The following ACYP2 variants were observed in gnomAD, a reference collection of about 807,000 sequenced individuals.
ACYP2 encodes acylphosphatase 2, also known as acylphosphatase-2.
A neutral mutation model predicts 11.2 loss-of-function variants in ACYP2; 12 were observed. That is an observed-to-expected ratio of 1.08 (90% CI 0.69 to 1.74). The LOEUF is 1.74. ACYP2 is among the 40% of genes most tolerant of loss of function. The pLI, the probability that ACYP2 is intolerant of heterozygous loss-of-function variation, is 0.00. For synonymous variants in ACYP2, 43 were observed against 32.2 expected (o/e 1.33, Z -1.13); for missense variants, 134 against 101.9 (o/e 1.31, Z -1.35).
intron 6 of ACYP2, among the ~76,000 whole-genome samples, chr2:54,282,392 C>T (rs1688886988): frequency 6.6e-6 from 1 of 152,142 alleles, no homozygotes; most frequent in Admixed American, 6.5e-5. Flanking sequence ...GTGTCCTCAC[C>T]CTGCTCCACA....
At chr2:54,160,058 A>G (rs1166322923) in intron 6 of ACYP2, among the ~76,000 whole-genome samples, 1 of 152,168 alleles carries the variant, frequency 6.6e-6, no homozygotes, top group East Asian at 1.9e-4. Context: ...CCCTCAAGAG[A>G]ATGCTTTCAG....
chr2:53,993,984 G>C (rs1270856437), intron 2 of ACYP2, among the ~76,000 whole-genome samples: 1 of 152,128 alleles, frequency 6.6e-6, no homozygotes, highest in Non-Finnish European at 1.5e-5. Flanking sequence ...AAGAAGTTGA[G>C]ACCATCCTGG....
At chr2:54,017,916 T>C (rs1374250771) in intron 2 of ACYP2, among the ~76,000 whole-genome samples, 1 of 152,056 alleles carries the variant, frequency 6.6e-6, no homozygotes, top group African/African-American at 2.4e-5. Flanking sequence ...TCTTGGATGG[T>C]CTTGAACTCC....
chr2:54,163,842 G>T (rs1682836493), intron 6 of ACYP2, among the ~76,000 whole-genome samples: 1 of 151,820 alleles, frequency 6.6e-6, no homozygotes, highest in South Asian at 2.1e-4. Context: ...GCCACCAAGA[G>T]CAAAACTCTG....
chr2:54,077,122 TTTG>T (rs538232987), intron 4 of ACYP2, among the ~76,000 whole-genome samples: 6 of 152,246 alleles, frequency 3.9e-5, no homozygotes, highest in African/African-American at 9.6e-5. Context: ...TATCTTGGTT[TTTG>T]TTGTTGTTGT....
intron 6 of ACYP2, among the ~76,000 whole-genome samples, chr2:54,168,164 CCTGTA>C (rs1269295650): frequency 6.6e-6 from 1 of 152,176 alleles, no homozygotes; most frequent in African/African-American, 2.4e-5. Flanking sequence ...GTGGCTCACA[CCTGTA>C]ATCCCAGCAC....
At chr2:54,253,833 A>C (rs1159499276) in intron 6 of ACYP2, 1 of 152,278 alleles carries the variant, frequency 6.6e-6, no homozygotes, top group Non-Finnish European at 1.5e-5. Flanking sequence ...GAGAATGGGC[A>C]ATAAGAGGTC....
chr2:54,059,260 C>T (rs1676341877), intron 4 of ACYP2, among the ~76,000 whole-genome samples: 2 of 150,700 alleles, frequency 1.3e-5, no homozygotes, highest in African/African-American at 2.4e-5. Flanking sequence ...CTCTTGTTGC[C>T]CGGGCTGGAG....
At chr2:54,031,136 A>G (rs1393052926) in intron 2 of ACYP2, among the ~76,000 whole-genome samples, 35 of 152,056 alleles carry the variant, frequency 2.3e-4, no homozygotes, top group Admixed American at 2.2e-3. Context: ...TTCTTTTTTT[A>G]TTATTATACT....
chr2:54,103,881 T>TC (rs1403055416), intron 4 of ACYP2, among the ~76,000 whole-genome samples: 1 of 152,056 alleles, frequency 6.6e-6, no homozygotes, highest in Non-Finnish European at 1.5e-5. Context: ...CCCCTCCCCT[T>TC]CCCCACCCTT....
At chr2:53,995,588 C>T (rs1320998192) in intron 2 of ACYP2, among the ~76,000 whole-genome samples, 6 of 151,136 alleles carry the variant, frequency 4.0e-5, no homozygotes, top group African/African-American at 1.2e-4. Flanking sequence ...ACTGCAACCT[C>T]CGCCTCCTGG....
chr2:54,038,973 T>G (rs1489765893), intron 2 of ACYP2, among the ~76,000 whole-genome samples: 1 of 147,748 alleles, frequency 6.8e-6, no homozygotes, highest in African/African-American at 2.5e-5. Context: ...AGGGAAGGAG[T>G]TGAGTGAGTG....
chr2:54,055,422 T>C lies in ACYP2; in HGVS notation c.156-1817T>C, dbSNP rs191085516. Among the ~76,000 whole-genome samples, 36 of 152,374 alleles carry C rather than the reference T, an allele frequency of 2.4e-4. No homozygotes were observed. The East Asian group carries it at 4.0e-3, about 17-fold the overall frequency. On this transcript the variant is annotated intron_variant, in intron 3 of 6. Transcript: ENST00000607452. ...ATAGTAATTCCATTACTCACAGTAA[T>C]AATTGTGATAATAATGTAAACAATT...
chr2:54,030,496 T>C (rs895879578), intron 2 of ACYP2: 2 of 155,588 alleles, frequency 1.3e-5, no homozygotes, highest in Admixed American at 6.5e-5. Context: ...GAAACCTGTC[T>C]GTCTAACTGG....
intron 4 of ACYP2, among the ~76,000 whole-genome samples, chr2:54,121,916 T>C (rs762821484): frequency 2.0e-4 from 31 of 152,216 alleles, no homozygotes; most frequent in Non-Finnish European, 3.5e-4. Flanking sequence ...TGAATTAAAT[T>C]GAAGTATTTG....
At chr2:54,075,271 G>A (rs1677266873) in intron 4 of ACYP2, among the ~76,000 whole-genome samples, 2 of 152,114 alleles carry the variant, frequency 1.3e-5, no homozygotes. Flanking sequence ...GGCCTAGGAG[G>A]GTAAATCGCT....
intron 6 of ACYP2, among the ~76,000 whole-genome samples, chr2:54,270,426 TA>T (rs1688236381): frequency 6.6e-6 from 1 of 152,186 alleles, no homozygotes; most frequent in African/African-American, 2.4e-5. Context: ...TTGTGTTTTT[TA>T]GCCAGTTATC....
chr2:53,978,693 CT>C (rs1483455719), intron 2 of ACYP2, among the ~76,000 whole-genome samples: 1 of 152,154 alleles, frequency 6.6e-6, no homozygotes, highest in Admixed American at 6.5e-5. Flanking sequence ...CACAACCAGC[CT>C]GGACAACATG....
intron 6 of ACYP2, chr2:54,254,120 T>A (rs1687365283): frequency 6.6e-6 from 1 of 152,206 alleles, no homozygotes; most frequent in Non-Finnish European, 1.5e-5. Flanking sequence ...ACCAACATAT[T>A]AACCTTGCCA....
Sources: gnomAD v4.1 joint callset for allele counts (sites outside exome capture counted in the v4.1 genomes callset) on GRCh38, gnomAD v4.1.1 for gene constraint, MANE v1.5 for transcripts, NCBI Gene and HGNC (gene_info 2026-07-23, HGNC 2026-07-21) for gene names.